The following SDC3 variants were observed in gnomAD, a reference collection of about 807,000 sequenced individuals.
The protein encoded by SDC3 is syndecan 3, also known as syndecan-3.
Under a neutral mutation model 24.4 loss-of-function variants are expected in SDC3, and 13 were observed. The ratio of observed to expected loss-of-function variants is 0.53; its 90% confidence interval spans 0.35 to 0.85. The LOEUF is 0.85. SDC3 is among the 40% of genes least tolerant of loss of function. SDC3 has a pLI of 0.01. For synonymous variants in SDC3, 295 were observed against 260.9 expected (o/e 1.13, Z -1.26); for missense variants, 571 against 584.5 (o/e 0.98, Z 0.24).
chr1:30,904,096 G>A (rs1429854054), intron 1 of SDC3, among the ~76,000 whole-genome samples: 1 of 151,994 alleles, frequency 6.6e-6, no homozygotes, highest in African/African-American at 2.4e-5. Flanking sequence ...GTGGTGTCAG[G>A]TGCCTGTAAT....
rs1001089955 is a variant in SDC3 at position 30,869,866 on chromosome 1, A to G, written c.*3345T>C. ...TCTGGAGCCACGCTGCCTACGAAAA[A>G]TATTTACATGCATTTGCCACGCTGA... On this transcript the variant is annotated 3_prime_UTR_variant, in exon 5 of 5. Transcript: ENST00000339394. The G allele has an allele frequency of 2.5e-6, 1 of 398,464 alleles. No homozygotes were observed. The highest frequency in any genetic ancestry group is 4.4e-6 in the Non-Finnish European group (1 of 226,110). 24.7% of individuals were successfully genotyped at this position (398,464 alleles called of 1,614,324 possible).
intron 1 of SDC3, among the ~76,000 whole-genome samples, chr1:30,895,844 GTA>G (rs35845663): frequency 0.033 from 4,393 of 134,936 alleles, 83 homozygotes; most frequent in Middle Eastern, 0.13. Flanking sequence ...GAGGAAGCGA[GTA>G]AGAGGAGGAG....
intron 1 of SDC3, among the ~76,000 whole-genome samples, chr1:30,907,252 T>C (rs538147472): frequency 6.6e-6 from 1 of 152,290 alleles, no homozygotes; most frequent in African/African-American, 2.4e-5. Context: ...AGCCAGAACC[T>C]GGACACTTGT....
chr1:30,895,514 A>T (rs1190510322), intron 1 of SDC3, among the ~76,000 whole-genome samples: 1 of 152,152 alleles, frequency 6.6e-6, no homozygotes. Flanking sequence ...AGTGACCCTC[A>T]ACAGCCACAC....
At position 30,877,112 on chromosome 1, in the gene SDC3, C is replaced by A. The variant is rs769513925; in HGVS notation, c.310G>T (p.Ala104Ser). ...ETAMRFSPDV[A>S]LAVSTTPAVL... is the part of the protein sequence containing the mutation. ...GCAGGTGTGGTGGACACCGCCAGGG[C>A]TACATCTGGGCTGAAGCGCATGGCT... Residue 104 changes from alanine to serine, a missense_variant, in exon 3 of 5, where the codon GCC becomes TCC. Physicochemically the swap from Ala to Ser is moderately conservative, Grantham distance 99. Around this residue, in one of 2 missense-constraint regions of SDC3, gnomAD observed 497 missense variants for 471.6 expected, o/e 1.05. Coordinates refer to ENST00000339394, the MANE Select transcript of SDC3 (RefSeq NM_014654.4). 2 of 1,613,810 alleles carry A rather than the reference C, an allele frequency of 1.2e-6. No individual in the cohort carries two copies. Among genetic ancestry groups the A allele is most frequent in the Admixed American group, 1.7e-5 (1 of 59,970 alleles).
Position 30,874,698 on chromosome 1 carries a change from C to T in SDC3, c.871-110G>A, listed in dbSNP as rs189731578. The T allele has an allele frequency of 2.6e-5, 24 of 937,288 alleles. No individual in the cohort carries two copies. In the Middle Eastern group the frequency reaches 1.1e-3, roughly 44 times the overall value. 58.1% of individuals were successfully genotyped at this position (937,288 alleles called of 1,614,324 possible). A position where few individuals can be genotyped will look rare whatever the true frequency, so the allele number is the denominator to read the frequency against. ...CACTTAGCACTCCCTACATGCCAGGCACTGTGCTACACACTATCCCCATGA... is the reference window on the plus strand; with the variant it reads ...CACTTAGCACTCCCTACATGCCAGGTACTGTGCTACACACTATCCCCATGA... On this transcript the variant is annotated intron_variant, in intron 3 of 4. Transcript: ENST00000339394.
Position 30,872,931 on chromosome 1 carries a change from C to T in SDC3, c.*280G>A, listed in dbSNP as rs184029189. On this transcript the variant is annotated 3_prime_UTR_variant, in exon 5 of 5. Coordinates refer to ENST00000339394, the MANE Select transcript of SDC3 (RefSeq NM_014654.4). ...CAGCCAATCAGGAGCTTTCTTCCTC[C>T]CATCCATCTGACATGAGGTCCTGAA... 2.3e-5 allele frequency: 10 copies of T among 429,560 alleles called. No homozygotes were observed. Among genetic ancestry groups the T allele is most frequent in the South Asian group, 2.3e-4 (5 of 22,176 alleles). 26.6% of individuals were successfully genotyped at this position (429,560 alleles called of 1,614,324 possible).
At chr1:30,881,140 G>A (rs772650678) in intron 1 of SDC3, among the ~76,000 whole-genome samples, 4 of 151,106 alleles carry the variant, frequency 2.6e-5, no homozygotes, top group Non-Finnish European at 5.9e-5. Flanking sequence ...TAAGTGCAAT[G>A]TTTGCCCACA....
At position 30,876,687 on chromosome 1, in the gene SDC3, T is replaced by G; in HGVS notation, c.735A>C (p.Thr245=). The change falls in exon 3 of 5, where the codon ACA becomes ACC. Residue 245 remains threonine (T), a synonymous_variant. Transcript: ENST00000339394. ...TAAVLDTEAP[T]PRLVSTATSR... ...AGGTAGCTGTGCTGACCAGCCTGGGTGTTGGGGCCTCGGTGTCCAAGACAG... is the reference window on the plus strand; with the variant it reads ...AGGTAGCTGTGCTGACCAGCCTGGGGGTTGGGGCCTCGGTGTCCAAGACAG... The G allele has an allele frequency of 1.1e-5, 17 of 1,602,070 alleles. No individual in the cohort carries two copies. The highest frequency in any genetic ancestry group is 1.4e-5 in the Non-Finnish European group (17 of 1,173,914).
At chr1:30,909,560 G>C (rs1399270505), upstream of SDC3, among the ~76,000 whole-genome samples, 1 of 151,912 alleles carries the variant, frequency 6.6e-6, no homozygotes, top group African/African-American at 2.4e-5. Context: ...GTGTGGTCAC[G>C]GTGCCTTTTC....
chr1:30,908,075 G>C (rs1638564133), intron 1 of SDC3, among the ~76,000 whole-genome samples: 1 of 152,118 alleles, frequency 6.6e-6, no homozygotes, highest in African/African-American at 2.4e-5. Flanking sequence ...CTTCGTCCCC[G>C]GGGAGACAGT....
Position 30,908,469 on chromosome 1 carries a change from G to T in SDC3, c.118C>A (p.Leu40Met), listed in dbSNP as rs1638576757. The T allele has an allele frequency of 1.1e-6, 1 of 934,054 alleles. No homozygotes were observed. Among genetic ancestry groups the T allele is most frequent in the South Asian group, 3.7e-5 (1 of 26,828 alleles). 57.9% of individuals were successfully genotyped at this position (934,054 alleles called of 1,614,324 possible). Residue 40 changes from leucine (L) to methionine (M), a missense_variant, in exon 1 of 5, where the codon CTG becomes ATG. Leu to Met is a conservative substitution (Grantham distance 15). Transcript: ENST00000339394. ...LLLPPLLLLL[L>M]AGRAAGAQRW... is the part of the protein sequence containing the mutation. ...CTCACCCCCGCGGCGCGCCCCGCCA[G>T]CAGCAGCAGCAGCAGCGGTGGCAGG...
Position 30,870,594 on chromosome 1 carries a change from AG to A in SDC3, c.*2616del, listed in dbSNP as rs1448568578. The A allele has an allele frequency of 6.6e-6, 1 of 152,368 alleles. No individual in the cohort carries two copies. Among genetic ancestry groups the A allele is most frequent in the Non-Finnish European group, 1.5e-5 (1 of 68,182 alleles). The allele number at this position is 152,368 out of a possible 1,614,324, so 9.4% of individuals were successfully genotyped here. A position where few individuals can be genotyped will look rare whatever the true frequency, so the allele number is the denominator to read the frequency against. ...GCTGGTCAGACTCCTCATCCTCAGG[AG>A]GATAAAGCCTGGACATCTGCCTTGG... On this transcript the variant is annotated 3_prime_UTR_variant, in exon 5 of 5. Coordinates refer to ENST00000339394, the MANE Select transcript of SDC3 (RefSeq NM_014654.4).
chr1:30,891,911 C>T (rs1179229445), intron 1 of SDC3, among the ~76,000 whole-genome samples: 1 of 151,706 alleles, frequency 6.6e-6, no homozygotes, highest in Admixed American at 6.6e-5. Flanking sequence ...CCTTAGACTG[C>T]CAGGCAGGGA....
chr1:30,907,175 G>A (rs1316721296), intron 1 of SDC3, among the ~76,000 whole-genome samples: 1 of 152,208 alleles, frequency 6.6e-6, no homozygotes. Context: ...CAGCCTGGGG[G>A]ATGCAGGACA....
intron 2 of SDC3, chr1:30,878,349 C>A (rs1453299553): frequency 5.6e-6 from 2 of 356,666 alleles, no homozygotes; most frequent in Non-Finnish European, 1.0e-5. Context: ...GCAAGGTCTG[C>A]AGAGAAAGCC....
chr1:30,891,965 C>T (rs1315295687), intron 1 of SDC3, among the ~76,000 whole-genome samples: 8 of 152,114 alleles, frequency 5.3e-5, no homozygotes, highest in South Asian at 2.1e-4. Flanking sequence ...TCTACAAGGA[C>T]CCCCTGCCCC....
At chr1:30,892,983 C>T (rs1390886456) in intron 1 of SDC3, among the ~76,000 whole-genome samples, 1 of 152,166 alleles carries the variant, frequency 6.6e-6, no homozygotes, top group Admixed American at 6.5e-5. Context: ...CAGCGTGGCC[C>T]CCTCCCCTAT....
intron 1 of SDC3, among the ~76,000 whole-genome samples, chr1:30,889,705 C>T (rs1337985622): frequency 1.3e-5 from 2 of 152,124 alleles, no homozygotes; most frequent in Non-Finnish European, 2.9e-5. Context: ...TAATCACAAG[C>T]GTTGGCGAGG....
Sources: allele counts gnomAD v4.1 joint callset (sites outside exome capture counted in the v4.1 genomes callset), GRCh38; gene constraint gnomAD v4.1.1; regional missense constraint gnomAD v4.1.1; transcripts MANE v1.5; gene names NCBI Gene and HGNC (gene_info 2026-07-23, HGNC 2026-07-21).